TBC1D19: variants seen among roughly 807,000 people sequenced by gnomAD.
TBC1D19 encodes TBC1 domain family, member 19.
A neutral mutation model predicts 89.0 loss-of-function variants in TBC1D19; 60 were observed. That is an observed-to-expected ratio of 0.67 (90% CI 0.55 to 0.84). The LOEUF (loss-of-function observed/expected upper bound fraction) is 0.84, where lower values mean the gene tolerates loss of function less well. TBC1D19 is among the 40% of genes least tolerant of loss of function. TBC1D19 has a pLI of 0.00. For synonymous variants in TBC1D19, 189 were observed against 199.7 expected (o/e 0.95, Z 0.45); for missense variants, 500 against 610.8 (o/e 0.82, Z 1.91).
chr4:26,589,194 G>A (rs950451757), intron 1 of TBC1D19, among the ~76,000 whole-genome samples: 2 of 152,218 alleles, frequency 1.3e-5, no homozygotes, highest in South Asian at 2.1e-4. Context: ...AGAATTGCTT[G>A]AACCCGGGAG....
chr4:26,740,869 C>T, intron 17 of TBC1D19: 1 of 985,386 alleles, frequency 1.0e-6, no homozygotes, highest in Non-Finnish European at 1.2e-6. Context: ...CACCTTCCTC[C>T]ATCTCCAGTT....
chr4:26,799,151 G>A, the TBC1D19 span, among the ~76,000 whole-genome samples: 9 of 152,068 alleles, frequency 5.9e-5, no homozygotes, highest in African/African-American at 2.2e-4. Flanking sequence ...TTCCAGCCTG[G>A]AGAACATAAA....
intron 13 of TBC1D19, among the ~76,000 whole-genome samples, chr4:26,703,652 T>C (rs546559136): frequency 4.6e-5 from 7 of 152,096 alleles, no homozygotes; most frequent in Non-Finnish European, 8.8e-5. Context: ...AATCCTTCTT[T>C]AAAGAAAATC....
intron 15 of TBC1D19, among the ~76,000 whole-genome samples, chr4:26,728,431 AG>A (rs1717447477): frequency 6.6e-6 from 1 of 152,208 alleles, no homozygotes; most frequent in Admixed American, 6.5e-5. Flanking sequence ...AAGAAAAGTT[AG>A]AAAAGACAAA....
chr4:26,797,594 C>G, the TBC1D19 span, among the ~76,000 whole-genome samples: 3 of 152,112 alleles, frequency 2.0e-5, no homozygotes, highest in Admixed American at 6.5e-5. Flanking sequence ...CAAAGTAATC[C>G]TAAGCAAAAA....
At chr4:26,735,315 C>T (rs939025830) in intron 15 of TBC1D19, 140 bp from the exon 16 acceptor site, 16 of 629,016 alleles carry the variant, frequency 2.5e-5, no homozygotes, top group Non-Finnish European at 3.2e-5. Context: ...TGTTTACTAT[C>T]ACTAAGTCTT....
intron 15 of TBC1D19, among the ~76,000 whole-genome samples, chr4:26,726,539 T>A (rs1469466642): frequency 6.6e-6 from 1 of 152,222 alleles, no homozygotes; most frequent in Non-Finnish European, 1.5e-5. Flanking sequence ...TTTTAACTAC[T>A]GAAATAGAGT....
At chr4:26,577,298 TGTGC>T (rs1738995459) in intron 1 of TBC1D19, among the ~76,000 whole-genome samples, 2 of 151,622 alleles carry the variant, frequency 1.3e-5, no homozygotes, top group South Asian at 4.2e-4. Context: ...TGTGTGTGTG[TGTGC>T]GTGTGTGTGT....
At chr4:26,664,707 G>A (rs1205022904) in intron 8 of TBC1D19, among the ~76,000 whole-genome samples, 1 of 151,464 alleles carries the variant, frequency 6.6e-6, no homozygotes, top group Non-Finnish European at 1.5e-5. Flanking sequence ...GACGCAAAGG[G>A]GATTGCCCAC....
At chr4:26,835,974 G>GCTCTCTCTCTCTCTCT in the TBC1D19 span, among the ~76,000 whole-genome samples, 7 of 143,468 alleles carry the variant, frequency 4.9e-5, no homozygotes, top group African/African-American at 1.8e-4. Flanking sequence ...CATGTGAAGT[G>GCTCTCTCTCTCTCTCT]CTCTCTCTCT....
At chr4:26,846,228 G>A in the TBC1D19 span, among the ~76,000 whole-genome samples, 2 of 151,922 alleles carry the variant, frequency 1.3e-5, no homozygotes, top group African/African-American at 4.8e-5. Flanking sequence ...TTTTTTAATG[G>A]CTGTGTAAAA....
At chr4:26,588,235 C>T (rs1404572646) in intron 1 of TBC1D19, among the ~76,000 whole-genome samples, 1 of 151,996 alleles carries the variant, frequency 6.6e-6, no homozygotes, top group African/African-American at 2.4e-5. Context: ...CCGTGTTAGC[C>T]AGGATGGTCT....
chr4:26,841,921 A>T, the TBC1D19 span, among the ~76,000 whole-genome samples: 1 of 152,328 alleles, frequency 6.6e-6, no homozygotes, highest in East Asian at 1.9e-4. Flanking sequence ...TGAACAGTAA[A>T]ATTCATGCCA....
chr4:26,808,104 G>T, the TBC1D19 span, among the ~76,000 whole-genome samples: 1 of 152,208 alleles, frequency 6.6e-6, no homozygotes, highest in South Asian at 2.1e-4. Flanking sequence ...TCGTCATGCC[G>T]TCATTGAGGA....
rs560112524 is a variant in TBC1D19 at position 26,627,662 on chromosome 4, G to T, written c.294+6974G>T. The stretch of plus-strand genomic sequence containing the variant: ...CCAGTGATGGTGAGCATTTTTTCAT[G>T]TGTTTTTTGGCTGCATAAATGTCTT... On this transcript the variant is annotated intron_variant, in intron 4 of 20. Transcript: ENST00000264866. Among the ~76,000 whole-genome samples the T allele has an allele frequency of 8.6e-3, 1,300 of 151,990 alleles. 15 individuals carry two copies. The highest frequency in any genetic ancestry group is 0.029 in the African/African-American group (1,198 of 41,518).
the TBC1D19 span, among the ~76,000 whole-genome samples, chr4:26,845,317 T>TAGA: frequency 6.6e-6 from 1 of 152,242 alleles, no homozygotes; most frequent in South Asian, 2.1e-4. Context: ...AAAAGTGTAA[T>TAGA]TACTGGGTTA....
At chr4:26,763,403 A>G in the TBC1D19 span, among the ~76,000 whole-genome samples, 1 of 152,230 alleles carries the variant, frequency 6.6e-6, no homozygotes, top group Non-Finnish European at 1.5e-5. Flanking sequence ...CTTCATCTGC[A>G]TGATAAAACT....
intron 7 of TBC1D19, among the ~76,000 whole-genome samples, chr4:26,655,311 C>T (rs1383753202): frequency 6.6e-6 from 1 of 152,198 alleles, no homozygotes. Context: ...TTAAGCTACT[C>T]GGAGGTCAGG....
At chr4:26,767,132 T>G in the TBC1D19 span, among the ~76,000 whole-genome samples, 7 of 152,290 alleles carry the variant, frequency 4.6e-5, no homozygotes, top group East Asian at 5.8e-4. Flanking sequence ...ATCATGCCAC[T>G]GTACCCCAGC....
Sources: allele counts gnomAD v4.1 joint callset (sites outside exome capture counted in the v4.1 genomes callset), GRCh38; gene constraint gnomAD v4.1.1; transcripts MANE v1.5; gene names NCBI Gene and HGNC (gene_info 2026-07-23, HGNC 2026-07-21).